The following ARHGAP12 variants were observed in gnomAD, a reference collection of about 807,000 sequenced individuals.
The protein encoded by ARHGAP12 is Rho GTPase activating protein 12.
ARHGAP12 carries 64 observed loss-of-function variants against 108.6 expected under a neutral mutation model. The ratio of observed to expected loss-of-function variants is 0.59; its 90% confidence interval spans 0.48 to 0.73. ARHGAP12 has a LOEUF of 0.73. ARHGAP12 is among the 30% of genes least tolerant of loss of function. The pLI is 0.00. For missense variants in ARHGAP12, 940 were observed against 1,005.9 expected (o/e 0.93, Z 0.89); for synonymous variants, 312 against 337.2 (o/e 0.93, Z 0.82).
intron 3 of ARHGAP12, among the ~76,000 whole-genome samples, chr10:31,868,538 TG>T (rs1222073571): frequency 1.3e-5 from 2 of 152,004 alleles, no homozygotes; most frequent in African/African-American, 4.8e-5. Context: ...AGGAAGTCAA[TG>T]GGTCATCAGA....
In ARHGAP12 at chr10:31,861,550, T is replaced by G; in HGVS notation, c.793A>C (p.Ile265Leu). The G allele has an allele frequency of 6.2e-7, 1 of 1,614,152 alleles. No individual in the cohort carries two copies. The part of the protein sequence containing the change: ...ALPPLPGSPA[I>L]QINGEWETHK... ...GTTTCCCATTCTCCATTAATCTGAA[T>G]TGCCGGGCTCCCAGGAAGTGGGGGA... Residue 265 changes from isoleucine to leucine, a missense_variant, in exon 4 of 20, where the codon ATT becomes CTT. Ile to Leu is a conservative substitution (Grantham distance 5, BLOSUM62 2). Transcript: ENST00000344936.
intron 3 of ARHGAP12, among the ~76,000 whole-genome samples, chr10:31,877,826 G>A (rs546885770): frequency 3.3e-5 from 5 of 152,248 alleles, no homozygotes; most frequent in East Asian, 1.9e-4. Context: ...GTGAGGTGGC[G>A]CCTGCCTATA....
chr10:31,807,789 T>C lies in ARHGAP12; in HGVS notation c.2410A>G (p.Ile804Val), dbSNP rs1162818069. The change falls in exon 20 of 20, where the codon ATA becomes GTA. Residue 804 changes from isoleucine (I) to valine (V), a missense_variant. By Grantham distance (29) the Ile-to-Val change is conservative. Coordinates refer to ENST00000344936, the MANE Select transcript of ARHGAP12 (RefSeq NM_018287.7). ...GEKNRMTYQS[I>V]AIVFGPTLLK... is the part of the protein sequence containing the mutation. ...AGAGTGGGACCAAAAACAATTGCTA[T>C]ACTCTGATAGGTCATTCGATTTTTC... The C allele has an allele frequency of 2.5e-6, 4 of 1,593,156 alleles. No homozygotes were observed. Among genetic ancestry groups the C allele is most frequent in the South Asian group, 1.2e-5 (1 of 86,802 alleles).
At chr10:31,918,319 A>T (rs1205729820) in intron 1 of ARHGAP12, among the ~76,000 whole-genome samples, 4 of 54,932 alleles carry the variant, frequency 7.3e-5, no homozygotes, top group African/African-American at 2.4e-4. Flanking sequence ...GGGAAATCAC[A>T]CACACACACA....
At chr10:31,855,811 CA>C (rs1350522706) in intron 4 of ARHGAP12, among the ~76,000 whole-genome samples, 4 of 152,276 alleles carry the variant, frequency 2.6e-5, no homozygotes, top group African/African-American at 9.6e-5. Context: ...AAATTTTGCA[CA>C]GTAAATATGA....
intron 13 of ARHGAP12, among the ~76,000 whole-genome samples, chr10:31,817,243 G>C (rs530403681): frequency 1.3e-5 from 2 of 152,070 alleles, no homozygotes; most frequent in South Asian, 4.2e-4. Flanking sequence ...GCTTACTAAC[G>C]TTCTTACTAA....
chr10:31,893,806 G>T (rs1838557972), intron 3 of ARHGAP12, among the ~76,000 whole-genome samples: 1 of 152,010 alleles, frequency 6.6e-6, no homozygotes, highest in South Asian at 2.1e-4. Flanking sequence ...AAAGAGAATT[G>T]TAGACCAATA....
Position 31,807,511 on chromosome 10 carries a change from G to A in ARHGAP12, c.*147C>T, listed in dbSNP as rs547820148. 323 of 622,588 alleles carry A rather than the reference G, an allele frequency of 5.2e-4. No homozygotes were observed. The highest frequency in any genetic ancestry group is 7.6e-4 in the Non-Finnish European group (298 of 390,130). 38.6% of individuals were successfully genotyped at this position (622,588 alleles called of 1,614,324 possible). On this transcript the variant is annotated 3_prime_UTR_variant, in exon 20 of 20. Transcript: ENST00000344936. ...AATATGAGGGCCTAACACACATCTC[G>A]ACTCTCCCCTTCCCTTCTGATCCCT...
Position 31,809,042 on chromosome 10 carries a change from C to T in ARHGAP12, c.2215G>A (p.Glu739Lys), listed in dbSNP as rs752770092. The change falls in exon 18 of 20, where the codon GAA becomes AAA. Residue 739 changes from glutamate (E) to lysine (K), a missense_variant. Transcript: ENST00000344936. ...ALKMFFRELPEPLFTFNHFND... is the reference protein window; with the variant it reads ...ALKMFFRELPKPLFTFNHFND... Reference sequence around the variant, plus strand: ...AAATGATTAAATGTAAAAAGAGGTTCTGGTAATTCTCGAAAAAACATTTTG... The same window carrying T: ...AAATGATTAAATGTAAAAAGAGGTTTTGGTAATTCTCGAAAAAACATTTTG... The T allele has an allele frequency of 1.2e-6, 2 of 1,603,330 alleles. No homozygotes were observed. Among genetic ancestry groups the T allele is most frequent in the African/African-American group, 2.7e-5 (2 of 74,642 alleles).
At chr10:31,912,834 T>A (rs1839406097) in intron 1 of ARHGAP12, among the ~76,000 whole-genome samples, 2 of 152,164 alleles carry the variant, frequency 1.3e-5, no homozygotes, top group Admixed American at 1.3e-4. Context: ...GAACTACATG[T>A]TACAATCCAA....
chr10:31,887,578 G>A (rs1038773660), intron 3 of ARHGAP12, among the ~76,000 whole-genome samples: 2 of 152,062 alleles, frequency 1.3e-5, no homozygotes, highest in Non-Finnish European at 2.9e-5. Context: ...TTGGCATTAA[G>A]GACTTTACAG....
At chr10:31,837,066 G>A (rs2132221398) in intron 9 of ARHGAP12, among the ~76,000 whole-genome samples, 1 of 152,168 alleles carries the variant, frequency 6.6e-6, no homozygotes, top group South Asian at 2.1e-4. Flanking sequence ...ATAAATGGGT[G>A]GTGAAATAAT....
chr10:31,908,135 G>A (rs773142486), intron 3 of ARHGAP12, 37 bp downstream of exon 3: 9 of 1,499,496 alleles, frequency 6.0e-6, no homozygotes, highest in Non-Finnish European at 8.1e-6. Context: ...TTTCACTAGG[G>A]TGGTACAGTG....
intron 3 of ARHGAP12, among the ~76,000 whole-genome samples, chr10:31,882,867 C>G (rs1435495332): frequency 1.3e-5 from 2 of 150,256 alleles, no homozygotes; most frequent in African/African-American, 4.9e-5. Flanking sequence ...TGCATTTTAT[C>G]TAGCACACTG....
At chr10:31,849,689 G>A (rs1836598131) in intron 6 of ARHGAP12, among the ~76,000 whole-genome samples, 1 of 152,042 alleles carries the variant, frequency 6.6e-6, no homozygotes, top group Non-Finnish European at 1.5e-5. Context: ...CAATTTAATT[G>A]AGAGTTAAAC....
chr10:31,885,050 A>G (rs2132380586), intron 3 of ARHGAP12, among the ~76,000 whole-genome samples: 1 of 152,292 alleles, frequency 6.6e-6, no homozygotes, highest in Non-Finnish European at 1.5e-5. Context: ...CACATCCTGG[A>G]GAGCAGGGTG....
At chr10:31,814,386 A>T in intron 13 of ARHGAP12, 25 bp from the exon 14 acceptor site, 1 of 1,506,616 alleles carries the variant, frequency 6.6e-7, no homozygotes. Flanking sequence ...TTTCCCAAAC[A>T]CATATTACAC....
chr10:31,814,010 T>C (rs911486008), intron 14 of ARHGAP12, among the ~76,000 whole-genome samples: 1 of 152,214 alleles, frequency 6.6e-6, no homozygotes, highest in African/African-American at 2.4e-5. Context: ...CTATACTTCT[T>C]CTCTGAAAGT....
intron 7 of ARHGAP12, among the ~76,000 whole-genome samples, chr10:31,842,203 G>C (rs1050065661): frequency 6.6e-6 from 1 of 152,084 alleles, no homozygotes; most frequent in African/African-American, 2.4e-5. Flanking sequence ...GGTATGAAGA[G>C]GCGGTAGAGT....
Sources: gnomAD v4.1 joint callset for allele counts (sites outside exome capture counted in the v4.1 genomes callset) on GRCh38, gnomAD v4.1.1 for gene constraint, MANE v1.5 for transcripts, NCBI Gene and HGNC (gene_info 2026-07-23, HGNC 2026-07-21) for gene names.